PRKAR1A: variants seen among roughly 807,000 people sequenced by gnomAD.
PRKAR1A encodes cAMP-dependent protein kinase type I-alpha regulatory subunit.
PRKAR1A carries 3 observed loss-of-function variants against 52.0 expected under a neutral mutation model. The ratio of observed to expected loss-of-function variants is 0.06; its 90% confidence interval spans 0.03 to 0.15. The LOEUF is 0.15. Ranked by LOEUF, PRKAR1A falls within the 10% of genes least tolerant of loss-of-function variation. The pLI is 1.00. For missense variants in PRKAR1A, 240 were observed against 477.4 expected, an observed-to-expected ratio of 0.50 and a Z score of 4.63; for synonymous variants, 188 against 168.4, an observed-to-expected ratio of 1.12 and a Z score of -0.90.
chr17:68,451,576 T>C, the PRKAR1A span, among the ~76,000 whole-genome samples: 2 of 152,228 alleles, frequency 1.3e-5, no homozygotes, highest in Non-Finnish European at 2.9e-5. Flanking sequence ...GTTTGGAATA[T>C]TTGAACAATT....
chr17:68,481,324 C>G, the PRKAR1A span, among the ~76,000 whole-genome samples: 1 of 152,132 alleles, frequency 6.6e-6, no homozygotes, highest in Admixed American at 6.6e-5. Flanking sequence ...CACTTTATTT[C>G]TACTATTATT....
chr17:68,430,688 T>C, the PRKAR1A span, among the ~76,000 whole-genome samples: 161 of 152,274 alleles, frequency 1.1e-3, 1 homozygote, highest in African/African-American at 3.6e-3. Context: ...ATGGAGATCA[T>C]GCAAAGGGAC....
the PRKAR1A span, among the ~76,000 whole-genome samples, chr17:68,473,163 C>T: frequency 1.3e-5 from 2 of 152,242 alleles, no homozygotes; most frequent in Non-Finnish European, 2.9e-5. Context: ...GTAGATGCAA[C>T]TTTTGGCTCT....
the PRKAR1A span, among the ~76,000 whole-genome samples, chr17:68,472,079 CAG>C: frequency 6.6e-6 from 1 of 152,194 alleles, no homozygotes; most frequent in Admixed American, 6.5e-5. Context: ...GCTGGTATGA[CAG>C]GCCTGAGCCA....
intron 2 of PRKAR1A, among the ~76,000 whole-genome samples, chr17:68,521,392 A>G (rs1405631879): frequency 6.6e-6 from 1 of 152,054 alleles, no homozygotes; most frequent in Admixed American, 6.5e-5. Context: ...ACCACGCCCA[A>G]CTAATTTTTA....
the PRKAR1A span, among the ~76,000 whole-genome samples, chr17:68,428,002 C>A: frequency 2.8e-4 from 43 of 152,156 alleles, no homozygotes; most frequent in African/African-American, 9.2e-4. Context: ...GTGATCCCCC[C>A]ACCTCTGCCT....
the PRKAR1A span, chr17:68,453,074 C>G: frequency 8.7e-7 from 1 of 1,154,238 alleles, no homozygotes; most frequent in Non-Finnish European, 1.3e-6. Context: ...CTTTTGCCCC[C>G]TAGCCTCAGG....
the PRKAR1A span, among the ~76,000 whole-genome samples, chr17:68,452,407 A>G: frequency 1.3e-5 from 2 of 152,210 alleles, no homozygotes; most frequent in Non-Finnish European, 2.9e-5. Flanking sequence ...TCTACTAAAA[A>G]TACAAAAATT....
At chr17:68,544,587 A>G (rs1005745183) in intron 11 of PRKAR1A, among the ~76,000 whole-genome samples, 2 of 152,236 alleles carry the variant, frequency 1.3e-5, no homozygotes, top group African/African-American at 2.4e-5. Flanking sequence ...TCTATAAATA[A>G]GAAGCACTGG....
chr17:68,492,097 A>G, the PRKAR1A span, among the ~76,000 whole-genome samples: 6 of 152,234 alleles, frequency 3.9e-5, no homozygotes, highest in African/African-American at 1.2e-4. Context: ...CCGCAGGCAC[A>G]TGAATAACAG....
At chr17:68,494,256 T>C in the PRKAR1A span, among the ~76,000 whole-genome samples, 21 of 152,130 alleles carry the variant, frequency 1.4e-4, no homozygotes, top group Admixed American at 1.3e-3. Flanking sequence ...TAAGAAAATA[T>C]GGGCCGAGTG....
chr17:68,433,673 T>G, the PRKAR1A span: 10 of 927,300 alleles, frequency 1.1e-5, no homozygotes, highest in East Asian at 2.8e-4. Flanking sequence ...AGATGTATCC[T>G]GAAGAGCCTA....
At chr17:68,497,845 T>C in the PRKAR1A span, among the ~76,000 whole-genome samples, 1 of 152,142 alleles carries the variant, frequency 6.6e-6, no homozygotes, top group Non-Finnish European at 1.5e-5. Context: ...CACATAGACA[T>C]TGAATTGTAA....
At chr17:68,486,818 G>C in the PRKAR1A span, among the ~76,000 whole-genome samples, 1 of 151,602 alleles carries the variant, frequency 6.6e-6, no homozygotes, top group Non-Finnish European at 1.5e-5. Context: ...TGTGCCTCAG[G>C]TACCCAAGTG....
At chr17:68,463,019 G>A in the PRKAR1A span, among the ~76,000 whole-genome samples, 4 of 152,158 alleles carry the variant, frequency 2.6e-5, no homozygotes, top group African/African-American at 7.2e-5. Flanking sequence ...ACGACTTTAG[G>A]TTTCTTTCTA....
the PRKAR1A span, among the ~76,000 whole-genome samples, chr17:68,442,935 G>A: frequency 6.6e-6 from 1 of 152,166 alleles, no homozygotes; most frequent in East Asian, 1.9e-4. Context: ...AAGAATGTCT[G>A]CAATAGATAC....
chr17:68,445,059 T>C, the PRKAR1A span, among the ~76,000 whole-genome samples: 1 of 151,916 alleles, frequency 6.6e-6, no homozygotes, highest in Non-Finnish European at 1.5e-5. Flanking sequence ...TAGCTGGGAT[T>C]ACATGCATGC....
intron 11 of PRKAR1A, chr17:68,543,605 C>A: frequency 6.2e-7 from 1 of 1,607,910 alleles, no homozygotes; most frequent in Non-Finnish European, 8.5e-7. Context: ...TAGGCAATGC[C>A]ATCTCCATGG....
At chr17:68,547,831 TTTC>T (rs2086639057) in intron 11 of PRKAR1A, among the ~76,000 whole-genome samples, 2 of 152,348 alleles carry the variant, frequency 1.3e-5, no homozygotes, top group South Asian at 4.1e-4. Flanking sequence ...TTCAAGAACT[TTTC>T]CTTTGCATTC....
Sources: gnomAD v4.1 joint callset for allele counts (sites outside exome capture counted in the v4.1 genomes callset) on GRCh38, gnomAD v4.1.1 for gene constraint, MANE v1.5 for transcripts, NCBI Gene and HGNC (gene_info 2026-07-23, HGNC 2026-07-21) for gene names.